VPS45: variants seen among roughly 807,000 people sequenced by gnomAD.
The protein encoded by VPS45 is vacuolar protein sorting-associated protein 45.
A neutral mutation model predicts 75.9 loss-of-function variants in VPS45; 35 were observed. That is an observed-to-expected ratio of 0.46 (90% CI 0.35 to 0.61). The LOEUF is 0.61. Among genes scored for constraint, VPS45 ranks in the 20% least tolerant of loss-of-function variants. The probability of loss-of-function intolerance (pLI) is 0.00; values close to 1 mark genes in which losing one functional copy is unlikely to be tolerated. For synonymous variants in VPS45, 220 were observed against 238.2 expected (o/e 0.92, Z 0.70); for missense variants, 559 against 685.9 (o/e 0.81, Z 2.07).
At chr1:150,069,726 G>C (rs946477529) in intron 2 of VPS45, among the ~76,000 whole-genome samples, 18 of 152,096 alleles carry the variant, frequency 1.2e-4, no homozygotes, top group African/African-American at 4.3e-4. Context: ...AAAGTGCTGG[G>C]ATTACAGGCG....
At chr1:150,071,376 G>A (rs1194796511) in intron 2 of VPS45, among the ~76,000 whole-genome samples, 4 of 152,150 alleles carry the variant, frequency 2.6e-5, no homozygotes, top group African/African-American at 7.2e-5. Flanking sequence ...CACAAACATT[G>A]TAGTTGTGCA....
At chr1:150,122,095 C>A (rs1244314201) in intron 14 of VPS45, among the ~76,000 whole-genome samples, 1 of 151,962 alleles carries the variant, frequency 6.6e-6, no homozygotes, top group Non-Finnish European at 1.5e-5. Context: ...CCAAGGCGGC[C>A]GGATCACCTG....
chr1:150,079,875 T>G (rs1029217650), intron 7 of VPS45, among the ~76,000 whole-genome samples: 4 of 152,206 alleles, frequency 2.6e-5, no homozygotes, highest in Non-Finnish European at 4.4e-5. Flanking sequence ...CAAAGAAACT[T>G]TTGATAATAT....
chr1:150,112,195 G>A (rs1391023285), intron 14 of VPS45, among the ~76,000 whole-genome samples: 2 of 151,398 alleles, frequency 1.3e-5, no homozygotes, highest in African/African-American at 4.9e-5. Flanking sequence ...TATAAATAAG[G>A]TTATTGGCCA....
chr1:150,077,218 C>A lies in VPS45; in HGVS notation c.563C>A (p.Ala188Glu). ...TCATCAGAGGCAGCAAAGAGACTTGCAGAGTGCGTTAAGGTATGGCATTAC... is the reference window on the plus strand; with the variant it reads ...TCATCAGAGGCAGCAAAGAGACTTGAAGAGTGCGTTAAGGTATGGCATTAC... The part of the protein sequence containing the change: ...QLSSEAAKRL[A>E]ECVKQVITKE... The change falls in exon 6 of 15, where the codon GCA becomes GAA. Residue 188 changes from alanine (A) to glutamate (E), a missense_variant. Ala to Glu is a moderately radical substitution (Grantham distance 107). Coordinates refer to ENST00000644510, the MANE Select transcript of VPS45 (RefSeq NM_007259.5). 6.2e-7 allele frequency: 1 copy of A among 1,613,838 alleles called. No homozygotes were observed. The highest frequency in any genetic ancestry group is 1.1e-5 in the South Asian group (1 of 91,016).
chr1:150,094,450 T>C (rs1656513445), intron 13 of VPS45, among the ~76,000 whole-genome samples: 1 of 152,128 alleles, frequency 6.6e-6, no homozygotes, highest in Non-Finnish European at 1.5e-5. Context: ...ATGAGAAAAA[T>C]GTTTTGAGAT....
intron 10 of VPS45, among the ~76,000 whole-genome samples, chr1:150,089,545 A>G (rs1553801494): frequency 1.3e-5 from 2 of 152,010 alleles, no homozygotes; most frequent in Non-Finnish European, 2.9e-5. Flanking sequence ...TATTTTTAGT[A>G]GAGAGGGAGT....
At chr1:150,086,329 T>C (rs891351670) in intron 10 of VPS45, among the ~76,000 whole-genome samples, 5 of 152,158 alleles carry the variant, frequency 3.3e-5, no homozygotes, top group African/African-American at 4.8e-5. Flanking sequence ...AAAACACTTA[T>C]GGTACTTGGT....
intron 10 of VPS45, among the ~76,000 whole-genome samples, chr1:150,091,128 A>G (rs1205823468): frequency 2.0e-5 from 3 of 152,250 alleles, no homozygotes; most frequent in Admixed American, 6.5e-5. Flanking sequence ...AGAAACATGT[A>G]TATAGCAGAA....
intron 2 of VPS45, among the ~76,000 whole-genome samples, chr1:150,069,751 C>T (rs587660281): frequency 1.5e-4 from 23 of 152,214 alleles, no homozygotes; most frequent in Admixed American, 9.2e-4. Context: ...CCACCGTGCC[C>T]GGCTGTTATA....
chr1:150,095,568 T>C (rs1471972570), intron 13 of VPS45, among the ~76,000 whole-genome samples: 1 of 151,464 alleles, frequency 6.6e-6, no homozygotes, highest in African/African-American at 2.4e-5. Flanking sequence ...GAGCTGAAAT[T>C]TGCACCGTTG....
chr1:150,123,407 A>G (rs889435379), intron 14 of VPS45, among the ~76,000 whole-genome samples: 19 of 152,238 alleles, frequency 1.2e-4, no homozygotes, highest in Admixed American at 2.6e-4. Context: ...AGGAGGATCT[A>G]TCAAAGCAAT....
At chr1:150,108,760 A>G (rs1553806536) in intron 13 of VPS45, among the ~76,000 whole-genome samples, 1 of 152,068 alleles carries the variant, frequency 6.6e-6, no homozygotes, top group African/African-American at 2.4e-5. Flanking sequence ...GGAACACACA[A>G]CCTAGATCCC....
At chr1:150,089,648 C>T (rs1656222527) in intron 10 of VPS45, among the ~76,000 whole-genome samples, 1 of 152,170 alleles carries the variant, frequency 6.6e-6, no homozygotes, top group Admixed American at 6.5e-5. Flanking sequence ...AGGTGTAAGC[C>T]ATGGCACCCG....
intron 10 of VPS45, among the ~76,000 whole-genome samples, chr1:150,090,992 G>A (rs1656295229): frequency 6.6e-6 from 1 of 152,112 alleles, no homozygotes; most frequent in Admixed American, 6.5e-5. Context: ...GTATTGGTAA[G>A]GCTTCCCCTT....
chr1:150,113,064 A>C (rs1298743814), intron 14 of VPS45, among the ~76,000 whole-genome samples: 2 of 152,176 alleles, frequency 1.3e-5, no homozygotes, highest in Non-Finnish European at 2.9e-5. Context: ...ATGCTTGATT[A>C]AATCATTAGC....
intron 14 of VPS45, among the ~76,000 whole-genome samples, chr1:150,144,390 A>G (rs1035882278): frequency 2.0e-5 from 3 of 152,218 alleles, no homozygotes; most frequent in Non-Finnish European, 4.4e-5. Flanking sequence ...GTACTGAGTT[A>G]ATATAGTGGC....
chr1:150,114,317 T>A (rs1657803851), intron 14 of VPS45, among the ~76,000 whole-genome samples: 1 of 151,332 alleles, frequency 6.6e-6, no homozygotes, highest in Non-Finnish European at 1.5e-5. Context: ...TCCTGAAAAA[T>A]GCAACAATTA....
At chr1:150,127,364 T>A (rs1460222858) in intron 14 of VPS45, among the ~76,000 whole-genome samples, 1 of 151,864 alleles carries the variant, frequency 6.6e-6, no homozygotes, top group Non-Finnish European at 1.5e-5. Context: ...TTGCCCAGGC[T>A]GGAGTGCAGT....
Sources: allele counts gnomAD v4.1 joint callset (sites outside exome capture counted in the v4.1 genomes callset), GRCh38; gene constraint gnomAD v4.1.1; transcripts MANE v1.5; gene names NCBI Gene and HGNC (gene_info 2026-07-23, HGNC 2026-07-21).